The following TNFSF13B variants were observed in gnomAD, a reference collection of about 807,000 sequenced individuals.
TNFSF13B encodes the protein tumor necrosis factor ligand superfamily member 13B.
Under a neutral mutation model 29.1 loss-of-function variants are expected in TNFSF13B, and 8 were observed. The ratio of observed to expected loss-of-function variants is 0.27; its 90% confidence interval spans 0.16 to 0.50. The LOEUF (loss-of-function observed/expected upper bound fraction) is 0.50, where lower values mean the gene tolerates loss of function less well. TNFSF13B is among the 20% of genes least tolerant of loss of function. The pLI is 0.98. For missense variants in TNFSF13B, 248 were observed against 334.9 expected (o/e 0.74, Z 2.03); for synonymous variants, 125 against 130.8 (o/e 0.96, Z 0.30).
At chr13:108,275,083 G>A (rs1404694348) in intron 2 of TNFSF13B, among the ~76,000 whole-genome samples, 1 of 152,108 alleles carries the variant, frequency 6.6e-6, no homozygotes, top group Non-Finnish European at 1.5e-5. Flanking sequence ...ATAATAAACA[G>A]AAATGTGGGG....
chr13:108,276,455 C>T (rs552712821), intron 2 of TNFSF13B, among the ~76,000 whole-genome samples: 15 of 152,228 alleles, frequency 9.9e-5, no homozygotes, highest in East Asian at 1.9e-4. Flanking sequence ...TTTTGGGAAA[C>T]GGAAGAGCTA....
chr13:108,302,567 C>T (rs1455535755), intron 3 of TNFSF13B, among the ~76,000 whole-genome samples: 1 of 152,120 alleles, frequency 6.6e-6, no homozygotes, highest in Admixed American at 6.6e-5. Flanking sequence ...CTGATGGCTA[C>T]TGTCTTCTCT....
In TNFSF13B at chr13:108,303,467, A is replaced by G. The variant is rs1438995286; in HGVS notation, c.608A>G (p.Asp203Gly). The G allele has an allele frequency of 6.2e-7, 1 of 1,612,850 alleles. No homozygotes were observed. The highest frequency in any genetic ancestry group is 1.7e-5 in the Admixed American group (1 of 59,848). The change falls in exon 5 of 6, where the codon GAT becomes GGT. Residue 203 changes from aspartate to glycine, a missense_variant. Physicochemically the swap from Asp to Gly is moderately conservative, Grantham distance 94. This residue lies in a region of TNFSF13B where 62 missense variants were observed against 138.6 expected (regional missense o/e 0.45). Transcript: ENST00000375887. ...TTTGTTTCTTAGGTTTTATATACTG[A>G]TAAGACCTACGCCATGGGACATCTA... is the stretch of plus-strand genomic sequence containing the variant. The part of the protein sequence containing the change: ...FFIYGQVLYT[D>G]KTYAMGHLIQ...
At chr13:108,284,785 G>A (rs1417750983) in intron 2 of TNFSF13B, among the ~76,000 whole-genome samples, 10 of 152,166 alleles carry the variant, frequency 6.6e-5, no homozygotes, top group Non-Finnish European at 1.5e-4. Context: ...ACCTGTCAGG[G>A]TGCCTTGTGA....
intron 2 of TNFSF13B, among the ~76,000 whole-genome samples, chr13:108,273,315 C>T (rs949435028): frequency 4.6e-5 from 7 of 151,770 alleles, no homozygotes; most frequent in Non-Finnish European, 1.0e-4. Context: ...AACTGTGTAT[C>T]TTTGAAATGT....
intron 5 of TNFSF13B, 79 bp from the exon 6 acceptor site, chr13:108,306,747 A>C (rs1881786489): frequency 2.3e-6 from 2 of 857,654 alleles, no homozygotes; most frequent in Admixed American, 5.1e-5. Context: ...TTTTTTACAG[A>C]ACAAAATAGT....
At chr13:108,290,215 A>G (rs1456492890) in intron 3 of TNFSF13B, among the ~76,000 whole-genome samples, 2 of 152,192 alleles carry the variant, frequency 1.3e-5, no homozygotes, top group Non-Finnish European at 2.9e-5. Flanking sequence ...ATGCCTGTGT[A>G]CAGAGATCCT....
At chr13:108,287,243 A>C (rs1881170114) in intron 3 of TNFSF13B, among the ~76,000 whole-genome samples, 2 of 152,202 alleles carry the variant, frequency 1.3e-5, no homozygotes, top group Middle Eastern at 3.2e-3. Flanking sequence ...CATGTTGTGC[A>C]CATGTACCCT....
intron 3 of TNFSF13B, among the ~76,000 whole-genome samples, chr13:108,294,599 G>C (rs1254625738): frequency 1.3e-5 from 2 of 152,002 alleles, no homozygotes; most frequent in African/African-American, 4.8e-5. Flanking sequence ...GTAAATGCAG[G>C]CATAGTCTTG....
chr13:108,277,261 A>T (rs993628857), intron 2 of TNFSF13B, among the ~76,000 whole-genome samples: 2 of 152,246 alleles, frequency 1.3e-5, no homozygotes, highest in African/African-American at 4.8e-5. Flanking sequence ...ATTATTTAAT[A>T]GTTGGAGAAG....
At chr13:108,274,126 T>C (rs1594515359) in intron 2 of TNFSF13B, among the ~76,000 whole-genome samples, 1 of 152,108 alleles carries the variant, frequency 6.6e-6, no homozygotes, top group East Asian at 1.9e-4. Context: ...AAATGCGTAT[T>C]GATTGAGTTT....
At chr13:108,282,006 T>G (rs1316628584) in intron 2 of TNFSF13B, among the ~76,000 whole-genome samples, 1 of 152,214 alleles carries the variant, frequency 6.6e-6, no homozygotes, top group Non-Finnish European at 1.5e-5. Flanking sequence ...TGTCATAACT[T>G]ACGTTTACCA....
intron 3 of TNFSF13B, among the ~76,000 whole-genome samples, chr13:108,291,434 T>C (rs1396347200): frequency 6.6e-6 from 1 of 151,842 alleles, no homozygotes; most frequent in Non-Finnish European, 1.5e-5. Flanking sequence ...CTTCAAGAAG[T>C]TCTTGCATAT....
rs559962863 is a variant in TNFSF13B at position 108,286,986 on chromosome 13, C to G, written c.481+127C>G. The G allele has an allele frequency of 2.1e-3, 892 of 419,438 alleles. 6 individuals carry two copies. The highest frequency in any genetic ancestry group is 0.017 in the African/African-American group (826 of 48,338). 26.0% of individuals were successfully genotyped at this position (419,438 alleles called of 1,614,324 possible). On this transcript the variant is annotated intron_variant, in intron 3 of 5. Coordinates refer to ENST00000375887, the MANE Select transcript of TNFSF13B (RefSeq NM_006573.5). ...CCATAAAAAATGATGAGTTCATGTC[C>G]TTTGTAGGGACATGGATGAAGCTGG...
chr13:108,281,711 A>G (rs1341271247), intron 2 of TNFSF13B, among the ~76,000 whole-genome samples: 1 of 152,202 alleles, frequency 6.6e-6, no homozygotes, highest in Middle Eastern at 3.2e-3. Flanking sequence ...TAGTTTTCTC[A>G]AAATTCAAAG....
In TNFSF13B at chr13:108,303,227, C is replaced by T. The variant is rs73611024; in HGVS notation, c.482-26C>T. ...AAAACTGCTTTTCTTGGTTTCTTTCCTTATAAATGATTCTCTTCATTGCAG... is the reference window on the plus strand; with the variant it reads ...AAAACTGCTTTTCTTGGTTTCTTTCTTTATAAATGATTCTCTTCATTGCAG... On this transcript the variant is annotated intron_variant, in intron 3 of 5. Transcript: ENST00000375887. 6,718 of 1,523,474 alleles carry T rather than the reference C, an allele frequency of 4.4e-3. 258 individuals are homozygous for T. The African/African-American group carries it at 0.081, about 18-fold the overall frequency. 94.4% of individuals were successfully genotyped at this position (1,523,474 alleles called of 1,614,324 possible). A position where few individuals can be genotyped will look rare whatever the true frequency, so the allele number is the denominator to read the frequency against.
chr13:108,303,209 C>A, intron 3 of TNFSF13B, 44 bp from the exon 4 acceptor site: 1 of 1,386,110 alleles, frequency 7.2e-7, no homozygotes. Flanking sequence ...GTGAAAACTG[C>A]TTTTCTTGGT....
At chr13:108,292,207 T>C (rs1881337588) in intron 3 of TNFSF13B, among the ~76,000 whole-genome samples, 1 of 152,136 alleles carries the variant, frequency 6.6e-6, no homozygotes, top group Non-Finnish European at 1.5e-5. Context: ...AGATGGTTTA[T>C]ATAAAGGCAG....
chr13:108,274,483 T>C (rs895348273), intron 2 of TNFSF13B, among the ~76,000 whole-genome samples: 2 of 152,014 alleles, frequency 1.3e-5, no homozygotes, highest in African/African-American at 4.8e-5. Context: ...GTGGAAGATT[T>C]GAAGATAAGA....
Sources: gnomAD v4.1 joint callset for allele counts (sites outside exome capture counted in the v4.1 genomes callset) on GRCh38, gnomAD v4.1.1 for gene constraint, gnomAD v4.1.1 regional missense constraint, MANE v1.5 for transcripts, NCBI Gene and HGNC (gene_info 2026-07-23, HGNC 2026-07-21) for gene names.